Variants in FAM110B observed in about 807,000 individuals in gnomAD.
The protein encoded by FAM110B is protein FAM110B.
Under a neutral mutation model 20.4 loss-of-function variants are expected in FAM110B, and 6 were observed. The ratio of observed to expected loss-of-function variants is 0.29; its 90% CI spans 0.16 to 0.58. The LOEUF is 0.58. Among genes scored for constraint, FAM110B ranks in the 20% least tolerant of loss-of-function variants. FAM110B has a pLI of 0.90. For missense variants in FAM110B, 434 were observed against 498.2 expected (o/e 0.87, Z 1.23); for synonymous variants, 226 against 214.1 (o/e 1.06, Z -0.49).
chr8:58,087,291 G>A (rs1806361241), intron 3 of FAM110B, among the ~76,000 whole-genome samples: 1 of 152,146 alleles, frequency 6.6e-6, no homozygotes, highest in Non-Finnish European at 1.5e-5. Flanking sequence ...CCCTGGAGAG[G>A]TCACCTATCT....
chr8:58,138,800 G>A (rs533441769), intron 3 of FAM110B, among the ~76,000 whole-genome samples: 24 of 152,288 alleles, frequency 1.6e-4, no homozygotes, highest in Middle Eastern at 3.4e-3. Flanking sequence ...TGATCAACAC[G>A]CCTGTGTGAG....
chr8:58,132,859 A>G (rs986615623), intron 3 of FAM110B, among the ~76,000 whole-genome samples: 1 of 152,228 alleles, frequency 6.6e-6, no homozygotes, highest in Non-Finnish European at 1.5e-5. Context: ...CTAACTCAAC[A>G]ACAAGAAAGC....
chr8:58,013,894 G>A (rs9792272), intron 1 of FAM110B, among the ~76,000 whole-genome samples: 4 of 152,160 alleles, frequency 2.6e-5, no homozygotes, highest in East Asian at 1.9e-4. Context: ...ATGCTTGTAC[G>A]CAGAGTACAG....
At chr8:58,003,068 TAA>T (rs1049652507) in intron 1 of FAM110B, among the ~76,000 whole-genome samples, 1 of 152,240 alleles carries the variant, frequency 6.6e-6, no homozygotes, top group Non-Finnish European at 1.5e-5. Context: ...TTTTATCAAC[TAA>T]GTTATGTAAT....
intron 3 of FAM110B, among the ~76,000 whole-genome samples, chr8:58,121,045 G>T (rs1807347057): frequency 6.6e-6 from 1 of 152,190 alleles, no homozygotes; most frequent in Non-Finnish European, 1.5e-5. Flanking sequence ...ATGTCCTCTG[G>T]AGCTTGCTCA....
chr8:58,137,975 G>A (rs1694658426), intron 3 of FAM110B, among the ~76,000 whole-genome samples: 1 of 152,244 alleles, frequency 6.6e-6, no homozygotes, highest in African/African-American at 2.4e-5. Context: ...TTGGCTTGGA[G>A]ACCCTGTGAA....
intron 3 of FAM110B, among the ~76,000 whole-genome samples, chr8:58,079,301 G>A (rs1398541058): frequency 6.6e-6 from 1 of 152,110 alleles, no homozygotes; most frequent in Non-Finnish European, 1.5e-5. Context: ...GGCATTCTCT[G>A]GGAAAAGAAG....
At chr8:58,117,387 A>G (rs1190344804) in intron 3 of FAM110B, among the ~76,000 whole-genome samples, 1 of 152,208 alleles carries the variant, frequency 6.6e-6, no homozygotes, top group Non-Finnish European at 1.5e-5. Context: ...GCTTTGATAC[A>G]TAAGCACAGA....
intron 1 of FAM110B, among the ~76,000 whole-genome samples, chr8:58,029,075 CTG>C (rs1250672827): frequency 6.6e-6 from 1 of 152,206 alleles, no homozygotes; most frequent in African/African-American, 2.4e-5. Flanking sequence ...CAACACATGA[CTG>C]TTGTTAATAA....
Position 58,146,286 on chromosome 8 carries a change from G to T in FAM110B, c.56G>T (p.Gly19Val). 4.3e-6 allele frequency: 7 copies of T among 1,613,558 alleles called. No homozygotes were observed. In the South Asian group the frequency reaches 4.4e-5, roughly 10 times the overall value. The stretch of plus-strand genomic sequence containing the variant: ...ATGGTGAAGCCGGTCAGCCCCGCGG[G>T]CACCTTCACCTCTGCTGTGCCCCTG... ...GSMVKPVSPAGTFTSAVPLRI... is the reference protein window; with the variant it reads ...GSMVKPVSPAVTFTSAVPLRI... Residue 19 changes from glycine (G) to valine (V), a missense_variant, in exon 4 of 4, where the codon GGC (glycine) becomes GTC (valine). Gly to Val is a moderately radical substitution (Grantham distance 109). Coordinates refer to ENST00000519262, the MANE Select transcript of FAM110B (RefSeq NM_001377989.1).
At chr8:58,052,772 CTTTTTTTTTTTTTTTTT>C (rs71248165) in intron 2 of FAM110B, among the ~76,000 whole-genome samples, 1 of 52,292 alleles carries the variant, frequency 1.9e-5, no homozygotes, top group African/African-American at 7.4e-5. Context: ...GTGATGGACT[CTTTTTTTTTTTTTTTTT>C]TTTTTTTTTT....
chr8:58,084,037 T>C (rs958500493), intron 3 of FAM110B, among the ~76,000 whole-genome samples: 6 of 152,198 alleles, frequency 3.9e-5, no homozygotes, highest in African/African-American at 1.4e-4. Context: ...GAACTGTGTG[T>C]ATTTGAATCT....
intron 1 of FAM110B, among the ~76,000 whole-genome samples, chr8:58,014,402 G>A (rs956854560): frequency 1.7e-4 from 26 of 152,152 alleles, no homozygotes; most frequent in African/African-American, 6.0e-4. Flanking sequence ...GGAGGGCCTC[G>A]AGATCTGCAT....
chr8:57,994,879 CG>C (rs1172237833), intron 1 of FAM110B, 73 bp downstream of exon 1: 1 of 152,268 alleles, frequency 6.6e-6, no homozygotes, highest in Non-Finnish European at 1.5e-5. Context: ...GTGGTCGCGC[CG>C]CGCCCCGACT....
At chr8:58,066,963 A>AG (rs1805781878) in intron 2 of FAM110B, among the ~76,000 whole-genome samples, 1 of 152,192 alleles carries the variant, frequency 6.6e-6, no homozygotes. Context: ...TGTTCATCAG[A>AG]GCAGAAACAG....
intron 2 of FAM110B, among the ~76,000 whole-genome samples, chr8:58,048,892 C>G (rs891077125): frequency 6.6e-6 from 1 of 152,162 alleles, no homozygotes; most frequent in Admixed American, 6.5e-5. Context: ...AGTCATAGCT[C>G]ATCCTTTTAA....
At chr8:58,139,150 C>T (rs73241757) in intron 3 of FAM110B, among the ~76,000 whole-genome samples, 5,712 of 152,196 alleles carry the variant, frequency 0.038, 352 homozygotes, top group African/African-American at 0.13. Context: ...TGAAAGAATA[C>T]GCTAAAATAT....
intron 1 of FAM110B, among the ~76,000 whole-genome samples, chr8:58,005,238 G>C (rs1206849271): frequency 6.6e-6 from 1 of 152,168 alleles, no homozygotes; most frequent in African/African-American, 2.4e-5. Flanking sequence ...AGCAGAGGAA[G>C]AGATTGGGGC....
chr8:58,131,157 T>G (rs185400666), intron 3 of FAM110B, among the ~76,000 whole-genome samples: 3 of 152,338 alleles, frequency 2.0e-5, no homozygotes, highest in Admixed American at 1.3e-4. Context: ...TATAAGTCAT[T>G]ATTCTCTGGG....
Sources: allele counts gnomAD v4.1 joint callset (sites outside exome capture counted in the v4.1 genomes callset), GRCh38; gene constraint gnomAD v4.1.1; transcripts MANE v1.5; gene names NCBI Gene and HGNC (gene_info 2026-07-23, HGNC 2026-07-21).